PFKFB4: variants seen among roughly 807,000 people sequenced by gnomAD.
The protein encoded by PFKFB4 is 6-phosphofructo-2-kinase/fructose-2,6-biphosphatase 4.
Under a neutral mutation model 62.8 loss-of-function variants are expected in PFKFB4, and 42 were observed. That is an observed-to-expected ratio of 0.67 (90% CI 0.52 to 0.86). PFKFB4 has a LOEUF of 0.86. Ranked by LOEUF, PFKFB4 falls within the 40% of genes least tolerant of loss-of-function variation. PFKFB4 has a pLI of 0.00. For missense variants in PFKFB4, 475 were observed against 627.2 expected, an observed-to-expected ratio of 0.76 and a Z score of 2.59; for synonymous variants, 204 against 240.7, an observed-to-expected ratio of 0.85 and a Z score of 1.41.
intron 9 of PFKFB4, among the ~76,000 whole-genome samples, chr3:48,533,123 C>T (rs1440218068): frequency 6.6e-6 from 1 of 152,086 alleles, no homozygotes; most frequent in Non-Finnish European, 1.5e-5. Context: ...AATCATAGCA[C>T]ACCACAGCCT....
intron 9 of PFKFB4, among the ~76,000 whole-genome samples, chr3:48,533,480 C>T (rs1185606735): frequency 1.3e-5 from 2 of 152,052 alleles, no homozygotes; most frequent in Non-Finnish European, 2.9e-5. Context: ...AAATGGGAAC[C>T]ACCCATAATA....
chr3:48,528,001 C>T (rs1189003743), intron 9 of PFKFB4, among the ~76,000 whole-genome samples: 1 of 151,786 alleles, frequency 6.6e-6, no homozygotes, highest in Non-Finnish European at 1.5e-5. Context: ...CTTCCACCAT[C>T]GTAAAGAGCA....
chr3:48,539,710 T>G lies in PFKFB4; in HGVS notation c.440A>C (p.Gln147Pro). 1 of 1,614,020 alleles carries G rather than the reference T, an allele frequency of 6.2e-7. No homozygotes were observed. Among genetic ancestry groups the G allele is most frequent in the Non-Finnish European group, 8.5e-7 (1 of 1,179,914 alleles). Residue 147 changes from glutamine to proline, a missense_variant, in exon 5 of 14, where the codon CAG becomes CCG. Coordinates refer to ENST00000232375, the MANE Select transcript of PFKFB4 (RefSeq NM_004567.4). ...RRATIFNFGE[Q>P]NGYKTFFVES... Reference sequence around the variant, plus strand: ...AGGAGGCCTCACCTTGTAGCCATTCTGTTCTCCAAAATTAAAGATGGTCGC... The same window carrying G: ...AGGAGGCCTCACCTTGTAGCCATTCGGTTCTCCAAAATTAAAGATGGTCGC...
intron 3 of PFKFB4, among the ~76,000 whole-genome samples, chr3:48,547,133 G>A (rs1157058377): frequency 6.6e-6 from 1 of 152,208 alleles, no homozygotes. Flanking sequence ...CCATGTATGA[G>A]CGTGCTCAGG....
intron 10 of PFKFB4, among the ~76,000 whole-genome samples, chr3:48,524,916 G>T (rs1372480787): frequency 1.3e-5 from 2 of 152,118 alleles, no homozygotes; most frequent in Non-Finnish European, 2.9e-5. Context: ...GGTGACAAGT[G>T]CAGTGGCTTG....
intron 9 of PFKFB4, among the ~76,000 whole-genome samples, chr3:48,534,704 T>C (rs1454927959): frequency 6.7e-6 from 1 of 149,690 alleles, no homozygotes; most frequent in Non-Finnish European, 1.5e-5. Context: ...AAGAAAATAT[T>C]AAAGGCAGTC....
intron 6 of PFKFB4, 67 bp from the exon 7 acceptor site, chr3:48,538,686 G>A: frequency 2.5e-6 from 4 of 1,604,812 alleles, no homozygotes; most frequent in Non-Finnish European, 3.4e-6. Flanking sequence ...AGAGACCAAG[G>A]AGACTGCTGG....
chr3:48,523,983 G>A (rs1418048531), intron 10 of PFKFB4, among the ~76,000 whole-genome samples, 153 bp from the exon 11 acceptor site: 1 of 152,174 alleles, frequency 6.6e-6, no homozygotes, highest in Non-Finnish European at 1.5e-5. Context: ...CTGAGGCCAT[G>A]GGGGTGGGCA....
At chr3:48,550,799 C>T (rs758602) in intron 1 of PFKFB4, among the ~76,000 whole-genome samples, 1 of 152,242 alleles carries the variant, frequency 6.6e-6, no homozygotes, top group Non-Finnish European at 1.5e-5. Context: ...CCACCGGGAA[C>T]ACCCCTCACC....
At chr3:48,561,187 A>G, upstream of PFKFB4, 1 of 816,698 alleles carries the variant, frequency 1.2e-6, no homozygotes, top group Non-Finnish European at 1.7e-6. This position sits in a 1 kb window ranked among gnomAD's most constrained non-coding sequence, Gnocchi z 5.2. Context: ...TAGCACTCTG[A>G]AGAGAGAGAA....
In PFKFB4 at chr3:48,523,791, T is replaced by G. The variant is rs1478838689; in HGVS notation, c.1132A>C (p.Met378Leu). The stretch of plus-strand genomic sequence containing the variant: ...ACATTCTCTTGCCTCTCCAGCTCCA[T>G]GATGACAGGCTCCAGTCTCTGGACC... ...DLVQRLEPVI[M>L]ELERQENVLV... Residue 378 changes from methionine to leucine, a missense_variant, in exon 11 of 14, where the codon ATG becomes CTG. By Grantham distance (15) the Met-to-Leu change is conservative (BLOSUM62 2). Coordinates refer to ENST00000232375, the MANE Select transcript of PFKFB4 (RefSeq NM_004567.4). 1 of 1,614,176 alleles carries G rather than the reference T, an allele frequency of 6.2e-7. No individual in the cohort carries two copies. The highest frequency in any genetic ancestry group is 2.2e-5 in the East Asian group (1 of 44,880).
At position 48,519,389 on chromosome 3, in the gene PFKFB4, G is replaced by A; in HGVS notation, c.*358C>T. 1 of 219,568 alleles carries A rather than the reference G, an allele frequency of 4.6e-6. No homozygotes were observed. The highest frequency in any genetic ancestry group is 5.4e-5 in the Admixed American group (1 of 18,366). The allele number at this position is 219,568 out of a possible 1,614,324, so 13.6% of individuals were successfully genotyped here. A position where few individuals can be genotyped will look rare whatever the true frequency, so the allele number is the denominator to read the frequency against. Reference sequence around the variant, plus strand: ...GGCCACAGTAGGAACATCACAGCAAGCACTTTCCTTTCACATTGTAGGGTT... The same window carrying A: ...GGCCACAGTAGGAACATCACAGCAAACACTTTCCTTTCACATTGTAGGGTT... On this transcript the variant is annotated 3_prime_UTR_variant, in exon 14 of 14. Coordinates refer to ENST00000232375, the MANE Select transcript of PFKFB4 (RefSeq NM_004567.4).
chr3:48,536,439 C>T lies in PFKFB4; in HGVS notation c.657G>A (p.Met219Ile), dbSNP rs1187143400. 7.4e-6 allele frequency: 12 copies of T among 1,613,764 alleles called. No homozygotes were observed. Among genetic ancestry groups the T allele is most frequent in the South Asian group, 1.1e-5 (1 of 91,086 alleles). ...TCACCACGTAGCTCTGGCCCACATC[C>T]ATGATCTTGATATAGGACAGGTCCC... ...LDRDLSYIKI[M>I]DVGQSYVVNR... The change falls in exon 8 of 14, where the codon ATG (methionine) becomes ATA (isoleucine). Residue 219 changes from methionine (M) to isoleucine (I), a missense_variant. Coordinates refer to ENST00000232375, the MANE Select transcript of PFKFB4 (RefSeq NM_004567.4).
upstream of PFKFB4, chr3:48,562,678 G>C (rs906164284): frequency 9.0e-7 from 1 of 1,105,234 alleles, no homozygotes; most frequent in Non-Finnish European, 1.3e-6. This position sits in a 1 kb window ranked among gnomAD's most constrained non-coding sequence, Gnocchi z 4.3. Flanking sequence ...ATGTGGCAGC[G>C]TCCAGACACT....
chr3:48,543,320 G>A (rs2042852660), intron 4 of PFKFB4, among the ~76,000 whole-genome samples: 1 of 152,162 alleles, frequency 6.6e-6, no homozygotes, highest in Non-Finnish European at 1.5e-5. Flanking sequence ...TTCTGGGGTG[G>A]CCAAGAATAC....
chr3:48,536,565 C>T, intron 7 of PFKFB4, 102 bp from the exon 8 acceptor site: 1 of 856,132 alleles, frequency 1.2e-6, no homozygotes, highest in Non-Finnish European at 1.9e-6. Flanking sequence ...CTTGCACTTC[C>T]AACCACCAGA....
intron 9 of PFKFB4, among the ~76,000 whole-genome samples, chr3:48,526,501 A>G (rs1560153458): frequency 6.7e-6 from 1 of 149,608 alleles, no homozygotes. Flanking sequence ...TGTACCCAAG[A>G]GGTGGAGATT....
chr3:48,543,006 A>G (rs2042846044), intron 4 of PFKFB4, among the ~76,000 whole-genome samples: 2 of 152,168 alleles, frequency 1.3e-5, no homozygotes, highest in African/African-American at 4.8e-5. Flanking sequence ...TGGCTGTGCT[A>G]CAGGCACAGA....
chr3:48,550,389 C>T (rs1161005669), intron 1 of PFKFB4, among the ~76,000 whole-genome samples, 155 bp from the exon 2 acceptor site: 2 of 152,150 alleles, frequency 1.3e-5, no homozygotes, highest in African/African-American at 4.8e-5. Flanking sequence ...CTGGAGTGGC[C>T]CCAGATGCTG....
Sources: allele counts gnomAD v4.1 joint callset (sites outside exome capture counted in the v4.1 genomes callset), GRCh38; gene constraint gnomAD v4.1.1; non-coding constraint Gnocchi (gnomAD v3.1); transcripts MANE v1.5; gene names NCBI Gene and HGNC (gene_info 2026-07-23, HGNC 2026-07-21).